IFI44: variants seen among roughly 807,000 people sequenced by gnomAD.
IFI44 encodes the protein interferon induced protein 44.
A neutral mutation model predicts 45.0 loss-of-function variants in IFI44; 42 were observed. The ratio of observed to expected loss-of-function variants is 0.93; its 90% CI spans 0.73 to 1.21. The LOEUF (loss-of-function observed/expected upper bound fraction) is 1.21, where lower values mean the gene tolerates loss of function less well. IFI44 is among the 50% of genes most tolerant of loss of function. The pLI, the probability that IFI44 is intolerant of heterozygous loss-of-function variation, is 0.00. For missense variants in IFI44, 623 were observed against 525.8 expected (o/e 1.18, Z -1.81); for synonymous variants, 221 against 188.6 (o/e 1.17, Z -1.41).
At chr1:78,657,656 C>A (rs563421254) in intron 5 of IFI44, among the ~76,000 whole-genome samples, 6 of 152,204 alleles carry the variant, frequency 3.9e-5, no homozygotes, top group African/African-American at 1.4e-4. Context: ...TCTTTGATTA[C>A]CCAGTGGCAC....
chr1:78,654,586 A>C (rs1196516234), intron 3 of IFI44, among the ~76,000 whole-genome samples: 1 of 152,044 alleles, frequency 6.6e-6, no homozygotes, highest in Non-Finnish European at 1.5e-5. Flanking sequence ...CTGTAGAAGA[A>C]GTGGTTGGTG....
chr1:78,655,914 T>C (rs1294480665), intron 5 of IFI44, among the ~76,000 whole-genome samples: 2 of 152,080 alleles, frequency 1.3e-5, no homozygotes, highest in Non-Finnish European at 2.9e-5. Flanking sequence ...TATGTTGAAG[T>C]CCCTAGTCCT....
At chr1:78,650,096 G>T in intron 1 of IFI44, 90 bp from the exon 2 acceptor site, 1 of 754,146 alleles carries the variant, frequency 1.3e-6, no homozygotes, top group Non-Finnish European at 2.1e-6. Context: ...GTATTATGTA[G>T]AGTATATAAG....
At position 78,660,785 on chromosome 1, in the gene IFI44, C is replaced by T. The variant is rs74092060; in HGVS notation, c.1113+131C>T. On this transcript the variant is annotated intron_variant, in intron 7 of 8. Transcript: ENST00000370747. ...ATTACAAAATTACTTAAATAGGGCCCGTTTCCCAAGATTTAAAAATTAAAT... is the reference window on the plus strand; with the variant it reads ...ATTACAAAATTACTTAAATAGGGCCTGTTTCCCAAGATTTAAAAATTAAAT... The T allele has an allele frequency of 1.0e-3, 707 of 705,542 alleles. 1 individual carries two copies. Among genetic ancestry groups the T allele is most frequent in the African/African-American group, 7.0e-3 (393 of 56,508 alleles). The allele number at this position is 705,542 out of a possible 1,614,324, so 43.7% of individuals were successfully genotyped here.
chr1:78,652,550 T>C (rs1647141117), intron 2 of IFI44, among the ~76,000 whole-genome samples: 1 of 152,240 alleles, frequency 6.6e-6, no homozygotes, highest in Admixed American at 6.5e-5. Flanking sequence ...CTTCCTTTTT[T>C]CCCTGAGAGT....
chr1:78,658,348 A>G (rs1647277306), intron 5 of IFI44, among the ~76,000 whole-genome samples: 1 of 152,158 alleles, frequency 6.6e-6, no homozygotes, highest in Non-Finnish European at 1.5e-5. Flanking sequence ...GTTTCATATA[A>G]TCACAATCAA....
chr1:78,661,776 G>A (rs921146634), intron 7 of IFI44, among the ~76,000 whole-genome samples: 5 of 152,066 alleles, frequency 3.3e-5, no homozygotes, highest in Non-Finnish European at 7.4e-5. Context: ...TCAATGGAAC[G>A]GCACAGGGAA....
rs759388441 is a variant in IFI44 at position 78,655,352 on chromosome 1, C to A, written c.691-10C>A. 1.3e-6 allele frequency: 2 copies of A among 1,583,876 alleles called. No homozygotes were observed. The highest frequency in any genetic ancestry group is 2.3e-5 in the South Asian group (2 of 85,666). On this transcript the variant is annotated splice_polypyrimidine_tract_variant and intron_variant, in intron 4 of 8. Transcript: ENST00000370747. ...ATGAATCTTTAAAATTGCTTTTCTCCCCTCTACAGTATAGGACATACTCTA... is the reference window on the plus strand; with the variant it reads ...ATGAATCTTTAAAATTGCTTTTCTCACCTCTACAGTATAGGACATACTCTA...
At chr1:78,660,128 T>A (rs1240873609) in intron 6 of IFI44, among the ~76,000 whole-genome samples, 2 of 152,204 alleles carry the variant, frequency 1.3e-5, no homozygotes, top group Non-Finnish European at 2.9e-5. Flanking sequence ...TGTTGTGAAA[T>A]AAGGGAAGTT....
intron 2 of IFI44, 26 bp from the exon 3 acceptor site, chr1:78,654,217 A>T (rs766394778): frequency 3.1e-6 from 4 of 1,302,480 alleles, no homozygotes; most frequent in Non-Finnish European, 4.5e-6. Context: ...CTTCTAATCT[A>T]CATTATTCTT....
chr1:78,660,339 T>G (rs2296718), intron 6 of IFI44, among the ~76,000 whole-genome samples: 24,321 of 152,014 alleles, frequency 0.16, 2,962 homozygotes, highest in African/African-American at 0.34. Flanking sequence ...TTGTTACCAT[T>G]GAAATCAATG....
intron 5 of IFI44, among the ~76,000 whole-genome samples, chr1:78,658,368 CAATT>C (rs1185262472): frequency 2.0e-5 from 3 of 152,034 alleles, no homozygotes; most frequent in Non-Finnish European, 2.9e-5. Context: ...AAACTGGAAA[CAATT>C]AAAACATTTT....
At chr1:78,663,116 T>A in intron 8 of IFI44, 1 of 985,292 alleles carries the variant, frequency 1.0e-6, no homozygotes, top group Non-Finnish European at 1.2e-6. Flanking sequence ...GAGATGAAAG[T>A]TTTAAAATAA....
chr1:78,652,748 G>C (rs1006431672), intron 2 of IFI44, among the ~76,000 whole-genome samples: 2 of 152,154 alleles, frequency 1.3e-5, no homozygotes, highest in Non-Finnish European at 2.9e-5. Flanking sequence ...CCAGTTTGGG[G>C]CTATTACAAA....
At chr1:78,656,472 T>C (rs1168426076) in intron 5 of IFI44, among the ~76,000 whole-genome samples, 1 of 152,206 alleles carries the variant, frequency 6.6e-6, no homozygotes, top group African/African-American at 2.4e-5. Context: ...TGTCTAGTTT[T>C]TTCTATTGAT....
Position 78,655,437 on chromosome 1 carries a change from A to C in IFI44, c.766A>C (p.Ser256Arg). Residue 256 changes from serine (S) to arginine (R), a missense_variant, in exon 5 of 9, where the codon AGT becomes CGT. Ser to Arg is a moderately radical substitution (Grantham distance 110). Coordinates refer to ENST00000370747, the MANE Select transcript of IFI44 (RefSeq NM_006417.5). ...PFILCDSLGL[S>R]EKEGGLCRDD... ...TATTCTGTGTGACTCACTGGGGCTGAGTGAGAAAGAAGGCGGCCTGTGCAG... is the reference window on the plus strand; with the variant it reads ...TATTCTGTGTGACTCACTGGGGCTGCGTGAGAAAGAAGGCGGCCTGTGCAG... 6.2e-7 allele frequency: 1 copy of C among 1,613,852 alleles called. No homozygotes were observed. Among genetic ancestry groups the C allele is most frequent in the Non-Finnish European group, 8.5e-7 (1 of 1,179,806 alleles).
chr1:78,652,689 G>A (rs1181827445), intron 2 of IFI44, among the ~76,000 whole-genome samples: 2 of 152,152 alleles, frequency 1.3e-5, no homozygotes, highest in Admixed American at 1.3e-4. Flanking sequence ...CCATTGTGGT[G>A]CATCCTGCAC....
chr1:78,662,528 A>G (rs907586064), intron 7 of IFI44, 176 bp from the exon 8 acceptor site: 4 of 589,206 alleles, frequency 6.8e-6, no homozygotes, highest in South Asian at 6.5e-5. Flanking sequence ...TATCAGTGAC[A>G]TTAGAACTTG....
chr1:78,659,707 G>T (rs1304709726), intron 6 of IFI44, among the ~76,000 whole-genome samples: 1 of 152,134 alleles, frequency 6.6e-6, no homozygotes, highest in Non-Finnish European at 1.5e-5. Context: ...AATAAAATTA[G>T]TATAATAATA....
Sources: allele counts gnomAD v4.1 joint callset (sites outside exome capture counted in the v4.1 genomes callset), GRCh38; gene constraint gnomAD v4.1.1; transcripts MANE v1.5; gene names NCBI Gene and HGNC (gene_info 2026-07-23, HGNC 2026-07-21).